The following TASOR2 variants were observed in gnomAD, a reference collection of about 807,000 sequenced individuals.
TASOR2 encodes transcription activation suppressor family member 2.
In TASOR2, 84 loss-of-function variants were observed where a neutral mutation model predicts 199.5. The ratio of observed to expected loss-of-function variants is 0.42; its 90% CI spans 0.35 to 0.50. The LOEUF (loss-of-function observed/expected upper bound fraction) is 0.50. Among genes scored for constraint, TASOR2 ranks in the 20% least tolerant of loss-of-function variants. The probability of loss-of-function intolerance (pLI) is 0.02; values close to 1 mark genes in which losing one functional copy is unlikely to be tolerated. For synonymous variants in TASOR2, 1,103 were observed against 1,046.6 expected, an observed-to-expected ratio of 1.05 and a Z score of -1.04; for missense variants, 2,796 against 2,835.9, an observed-to-expected ratio of 0.99 and a Z score of 0.32.
chr10:5,686,539 T>C (rs760405213), intron 1 of TASOR2, among the ~76,000 whole-genome samples: 3 of 152,372 alleles, frequency 2.0e-5, no homozygotes, highest in South Asian at 2.1e-4. Context: ...GTGGTCATGA[T>C]AGTATTTCTG....
rs1366095062 is a variant in TASOR2 at position 5,750,124 on chromosome 10, G to A, written c.6606+97G>A. On this transcript the variant is annotated intron_variant, in intron 15 of 20. Transcript: ENST00000328090. This position sits in a 1 kb window ranked among gnomAD's most constrained non-coding sequence, Gnocchi z 5.4. ...TATTAGCCATCAAAAAGAAATCATG[G>A]TATGACATAGTATTTAAATTTCACA... 7.8e-7 allele frequency: 1 copy of A among 1,277,832 alleles called. No individual in the cohort carries two copies. 79.2% of individuals were successfully genotyped at this position (1,277,832 alleles called of 1,614,324 possible).
exon 15 of TASOR2, chr10:5,746,517 C>A (rs982754614): frequency 6.2e-7 from 1 of 1,613,984 alleles, no homozygotes; most frequent in Admixed American, 1.7e-5. Flanking sequence ...ATGAATGTCA[C>A]CCTTCCTTGG....
Position 5,709,506 on chromosome 10 carries a change from AT to A in TASOR2, c.-287-3309del, listed in dbSNP as rs1039509448. The A allele has an allele frequency of 4.1e-6, 5 of 1,222,482 alleles. No individual in the cohort carries two copies. The African/African-American group carries it at 4.7e-5, about 11-fold the overall frequency. 75.7% of individuals were successfully genotyped at this position (1,222,482 alleles called of 1,614,324 possible). A position where few individuals can be genotyped will look rare whatever the true frequency, so the allele number is the denominator to read the frequency against. ...TATAAATAGAATTGTTCACTTTATGATTTTTTTTCTTTCTTCATTTTAGCAT... is the reference window on the plus strand; with the variant it reads ...TATAAATAGAATTGTTCACTTTATGATTTTTTTCTTTCTTCATTTTAGCAT... On this transcript the variant is annotated intron_variant, in intron 1 of 20. Transcript: ENST00000328090.
chr10:5,711,362 T>C (rs1183623449), intron 1 of TASOR2, among the ~76,000 whole-genome samples: 1 of 152,130 alleles, frequency 6.6e-6, no homozygotes, highest in Non-Finnish European at 1.5e-5. Context: ...TTTAATACAT[T>C]TGGCAGTTTT....
intron 14 of TASOR2, among the ~76,000 whole-genome samples, chr10:5,745,757 C>T (rs1025445103): frequency 2.0e-4 from 30 of 151,436 alleles, no homozygotes; most frequent in African/African-American, 7.3e-4. Flanking sequence ...GCAGCCTGTT[C>T]GATAAAGCAA....
chr10:5,758,515 G>C (rs1311452240), intron 17 of TASOR2, among the ~76,000 whole-genome samples: 1 of 152,110 alleles, frequency 6.6e-6, no homozygotes, highest in Non-Finnish European at 1.5e-5. Context: ...TCCAGCCTGG[G>C]TGACAGCCGA....
chr10:5,725,389 TCAAAA>T (rs1833923413), intron 8 of TASOR2, among the ~76,000 whole-genome samples: 1 of 42,574 alleles, frequency 2.3e-5, no homozygotes, highest in African/African-American at 1.3e-4. Flanking sequence ...AGACTCCATC[TCAAAA>T]AAAAAAAAAA....
chr10:5,726,816 GTAT>G (rs1588747821), intron 8 of TASOR2, 66 bp from the exon 10 acceptor site: 1 of 1,371,828 alleles, frequency 7.3e-7, no homozygotes, highest in East Asian at 2.3e-5. Context: ...TCACTAATGA[GTAT>G]GGGTAGAGGG....
chr10:5,726,342 G>T (rs1834060631), intron 8 of TASOR2, among the ~76,000 whole-genome samples: 1 of 152,168 alleles, frequency 6.6e-6, no homozygotes, highest in East Asian at 1.9e-4. Flanking sequence ...AAGAGAGGAA[G>T]AATTTATTTT....
At chr10:5,686,008 C>A (rs576762298) in intron 1 of TASOR2, among the ~76,000 whole-genome samples, 1 of 152,248 alleles carries the variant, frequency 6.6e-6, no homozygotes, top group South Asian at 2.1e-4. Flanking sequence ...TAGGGGTGAG[C>A]CTGGCGGTAA....
rs2131610103 is a variant in TASOR2, at chr10:5,738,738, G to T, written c.1448-880G>T. ...AAAGAGGAACATAGTTGGCTTTTCT[G>T]GTCATCTGTCTACCTGCAGCAGGGA... On this transcript the variant is annotated intron_variant, in intron 12 of 20. Coordinates refer to ENST00000328090, the Ensembl canonical transcript of TASOR2. This position sits in a 1 kb window ranked among gnomAD's most constrained non-coding sequence, Gnocchi z 4.7. 6.7e-6 allele frequency among the ~76,000 whole-genome samples: 1 copy of T among 148,512 alleles called. No homozygotes were observed. The highest frequency in any genetic ancestry group is 1.5e-5 in the Non-Finnish European group (1 of 67,364).
At position 5,742,298 on chromosome 10, in the gene TASOR2, T is replaced by G; in HGVS notation, c.2529T>G (p.Gly843=). ...TCCGTGAAATTGAGGAGTCCCTTGG[T>G]TTGGAAAAATGTTCTGCAGACTCTC... The change falls in exon 14 of 21, where the codon GGT becomes GGG. Residue 843 remains glycine, a synonymous_variant. Transcript: ENST00000328090. The surrounding 1 kb of genome is among the most constrained non-coding windows in gnomAD (Gnocchi z 4.2). 6.2e-7 allele frequency: 1 copy of G among 1,614,170 alleles called. No individual in the cohort carries two copies. The highest frequency in any genetic ancestry group is 8.5e-7 in the Non-Finnish European group (1 of 1,180,028).
intron 1 of TASOR2, among the ~76,000 whole-genome samples, chr10:5,688,689 C>T (rs948970383): frequency 2.0e-5 from 3 of 152,126 alleles, no homozygotes; most frequent in Admixed American, 6.5e-5. Context: ...GCAGCTCTTT[C>T]ACATGACACA....
At chr10:5,762,741 T>A in intron 20 of TASOR2, 95 bp downstream of exon 21, 1 of 730,760 alleles carries the variant, frequency 1.4e-6, no homozygotes, top group South Asian at 1.6e-5. Flanking sequence ...TGGGAAACTG[T>A]TGTTTACATA....
At chr10:5,696,513 C>T (rs1387294390) in intron 1 of TASOR2, among the ~76,000 whole-genome samples, 2 of 152,118 alleles carry the variant, frequency 1.3e-5, no homozygotes, top group Non-Finnish European at 2.9e-5. Context: ...TATGCCCCCA[C>T]GTCCAGCTGA....
chr10:5,756,776 G>A, intron 16 of TASOR2, 38 bp downstream of exon 17: 2 of 1,599,584 alleles, frequency 1.3e-6, no homozygotes, highest in Non-Finnish European at 1.7e-6. Flanking sequence ...CGTATTCCAG[G>A]CACATAAGTT....
exon 7 of TASOR2, chr10:5,723,770 G>A (rs1438669060): frequency 1.3e-6 from 2 of 1,599,446 alleles, no homozygotes; most frequent in African/African-American, 2.7e-5. Context: ...ATTACTTGGA[G>A]GAGAAAGGTC....
chr10:5,694,905 G>A (rs574348802), intron 1 of TASOR2, among the ~76,000 whole-genome samples: 1 of 151,924 alleles, frequency 6.6e-6, no homozygotes, highest in Non-Finnish European at 1.5e-5. Flanking sequence ...AACCATTTTT[G>A]CATCTTGGAA....
chr10:5,702,079 A>T (rs1045215655), intron 1 of TASOR2, among the ~76,000 whole-genome samples: 1 of 152,134 alleles, frequency 6.6e-6, no homozygotes, highest in African/African-American at 2.4e-5. Flanking sequence ...GTTCAGGATG[A>T]TGTTTGCTAT....
Sources: allele counts gnomAD v4.1 joint callset (sites outside exome capture counted in the v4.1 genomes callset), GRCh38; gene constraint gnomAD v4.1.1; non-coding constraint Gnocchi (gnomAD v3.1); transcripts MANE v1.5; gene names NCBI Gene and HGNC (gene_info 2026-07-23, HGNC 2026-07-21).